Variants in LRP2 observed in about 807,000 individuals in gnomAD.
LRP2 encodes low-density lipoprotein receptor-related protein 2.
A neutral mutation model predicts 531.0 loss-of-function variants in LRP2; 172 were observed. The ratio of observed to expected loss-of-function variants is 0.32; its 90% confidence interval spans 0.29 to 0.37. The LOEUF (loss-of-function observed/expected upper bound fraction) is 0.37. LRP2 is among the 10% of genes least tolerant of loss of function. The probability of loss-of-function intolerance (pLI) is 1.00; values close to 1 mark genes in which losing one functional copy is unlikely to be tolerated. For missense variants in LRP2, 5,167 were observed against 5,868.3 expected (o/e 0.88, Z 3.90); for synonymous variants, 1,992 against 2,027.6 (o/e 0.98, Z 0.47).
At chr2:169,132,431 A>G (rs1259490430) in intron 77 of LRP2, 143 bp downstream of exon 77, 2 of 635,442 alleles carry the variant, frequency 3.1e-6, no homozygotes, top group East Asian at 2.8e-5. Flanking sequence ...GACTTTTTAA[A>G]AAATTATATT....
At chr2:169,188,759 C>A (rs888197769) in intron 48 of LRP2, among the ~76,000 whole-genome samples, 12 of 152,070 alleles carry the variant, frequency 7.9e-5, no homozygotes, top group Non-Finnish European at 1.6e-4. Context: ...TGCCCATACC[C>A]AAATGGAAAC....
chr2:169,168,022 T>TATATATATATATATATATATAC (rs1686849598), intron 61 of LRP2, among the ~76,000 whole-genome samples: 1 of 108,228 alleles, frequency 9.2e-6, no homozygotes, highest in Non-Finnish European at 2.0e-5. Context: ...GTTTAAAATA[T>TATATATATATATATATATATAC]ATATATATAT....
chr2:169,264,204 C>T lies in LRP2; in HGVS notation c.2321-4987G>A, dbSNP rs546534225. Among the ~76,000 whole-genome samples, 89 of 151,884 alleles carry T rather than the reference C, an allele frequency of 5.9e-4. 1 individual carries two copies. In the South Asian group the frequency reaches 0.018, roughly 31 times the overall value. On this transcript the variant is annotated intron_variant, in intron 16 of 78. Transcript: ENST00000649046. The stretch of plus-strand genomic sequence containing the variant: ...GCACATGTATACATATGTAACTAAC[C>T]TGCACATTGTACACATGTACCCTAA...
chr2:169,229,766 A>C (rs1689334504), intron 31 of LRP2, among the ~76,000 whole-genome samples: 1 of 152,170 alleles, frequency 6.6e-6, no homozygotes, highest in Non-Finnish European at 1.5e-5. Context: ...TTTTTAATGC[A>C]TGTTTTTACA....
At chr2:169,168,022 T>TATATATATATATAC (rs1686849499) in intron 61 of LRP2, among the ~76,000 whole-genome samples, 1 of 108,228 alleles carries the variant, frequency 9.2e-6, no homozygotes, top group South Asian at 3.1e-4. Flanking sequence ...GTTTAAAATA[T>TATATATATATATAC]ATATATATAT....
chr2:169,194,657 A>G (rs10490131), intron 46 of LRP2, among the ~76,000 whole-genome samples: 19,029 of 151,706 alleles, frequency 0.13, 1,571 homozygotes, highest in East Asian at 0.36. Flanking sequence ...ATATCATAAC[A>G]GTAACAAGAA....
chr2:169,275,658 G>T (rs3770607), intron 13 of LRP2, among the ~76,000 whole-genome samples: 5,524 of 152,170 alleles, frequency 0.036, 288 homozygotes, highest in Admixed American at 0.16. Flanking sequence ...ATTTCCCACT[G>T]CACCATTGAG....
At chr2:169,319,036 C>A in intron 2 of LRP2, 152 bp from the exon 3 acceptor site, 1 of 960,968 alleles carries the variant, frequency 1.0e-6, no homozygotes, top group South Asian at 1.4e-5. Context: ...AGTCTGTGGA[C>A]GCCAGTCAGA....
chr2:169,295,781 T>A (rs1684121362), intron 4 of LRP2, among the ~76,000 whole-genome samples: 1 of 152,040 alleles, frequency 6.6e-6, no homozygotes, highest in Admixed American at 6.6e-5. Context: ...TCATTCGGCT[T>A]TTTAAAATAT....
Position 169,279,438 on chromosome 2 carries a change from T to G in LRP2, c.1499A>C (p.Tyr500Ser). The change falls in exon 12 of 79, where the codon TAT becomes TCT. Residue 500 changes from tyrosine (Y) to serine (S), a missense_variant. Physicochemically the swap from Tyr to Ser is moderately radical, Grantham distance 144. Transcript: ENST00000649046. ...GTTTTCAGTTATAAGGGTAACCCGA[T>G]AGCTTCCATCCAAATTTACCATATC... ...RIDMVNLDGS[Y>S]RVTLITENLG... 2.5e-6 allele frequency: 4 copies of G among 1,614,108 alleles called. No individual in the cohort carries two copies. Among genetic ancestry groups the G allele is most frequent in the Non-Finnish European group, 3.4e-6 (4 of 1,180,006 alleles).
chr2:169,212,206 A>G lies in LRP2; in HGVS notation c.6042T>C (p.Asn2014=). The change falls in exon 37 of 79, where the codon AAT becomes AAC. Residue 2014 remains asparagine (N), a splice_region_variant and synonymous_variant. Transcript: ENST00000649046. Reference sequence around the variant, plus strand: ...TACAGCCATTTGAGGATTCGGCGGCATCTAAATGAAAACAAAATCCATTTG... The same window carrying G: ...TACAGCCATTTGAGGATTCGGCGGCGTCTAAATGAAAACAAAATCCATTTG... The part of the protein sequence containing the change: ...LRGLQVYHRR[N]AAESSNGCSN... 6.2e-7 allele frequency: 1 copy of G among 1,614,028 alleles called. No homozygotes were observed. The highest frequency in any genetic ancestry group is 8.5e-7 in the Non-Finnish European group (1 of 1,179,898).
intron 2 of LRP2, 71 bp from the exon 3 acceptor site, chr2:169,318,955 C>G: frequency 6.4e-7 from 1 of 1,569,718 alleles, no homozygotes; most frequent in South Asian, 1.1e-5. Flanking sequence ...AATGCTTGTT[C>G]CAGAAGAGTG....
At position 169,292,310 on chromosome 2, in the gene LRP2, T is replaced by G. The variant is rs761297015; in HGVS notation, c.712A>C (p.Asn238His). The G allele has an allele frequency of 3.7e-6, 6 of 1,614,158 alleles. No homozygotes were observed. Among genetic ancestry groups the G allele is most frequent in the Non-Finnish European group, 4.2e-6 (5 of 1,180,000 alleles). The change falls in exon 7 of 79, where the codon AAC (asparagine) becomes CAC (histidine). Residue 238 changes from asparagine to histidine, a missense_variant. Asn to His is a moderately conservative substitution (Grantham distance 68, BLOSUM62 1). Coordinates refer to ENST00000649046, the MANE Select transcript of LRP2 (RefSeq NM_004525.3). ...TCPSGRCIYQ[N>H]WVCDGEDDCK... Reference sequence around the variant, plus strand: ...TCATCTTCTCCATCACAAACCCAGTTTTGATAAATGCATCGGCCACTGGGG... The same window carrying G: ...TCATCTTCTCCATCACAAACCCAGTGTTGATAAATGCATCGGCCACTGGGG...
rs148733879 is a variant in LRP2, at chr2:169,317,943, G to A, written c.310+819C>T. 9.0e-3 allele frequency among the ~76,000 whole-genome samples: 1,363 copies of A among 152,152 alleles called. 14 individuals are homozygous for A. Among genetic ancestry groups the A allele is most frequent in the Non-Finnish European group, 0.015 (989 of 68,002 alleles). On this transcript the variant is annotated intron_variant, in intron 3 of 78. Coordinates refer to ENST00000649046, the MANE Select transcript of LRP2 (RefSeq NM_004525.3). ...AATTTAAAAATTAGCTGGGCATGGT[G>A]GTGCACACCTATAGTCCCAGCTACT...
At chr2:169,164,149 A>G (rs1686692342) in intron 62 of LRP2, among the ~76,000 whole-genome samples, 1 of 152,234 alleles carries the variant, frequency 6.6e-6, no homozygotes, top group African/African-American at 2.4e-5. Context: ...TACATTGGTG[A>G]TGGCCATGAG....
At chr2:169,188,312 C>T in intron 48 of LRP2, 47 bp from the exon 49 acceptor site, 2 of 1,588,026 alleles carry the variant, frequency 1.3e-6, no homozygotes, top group Non-Finnish European at 1.7e-6. Context: ...TGGCAATAAA[C>T]CTCAACTATT....
At chr2:169,339,978 C>T (rs1453669425) in intron 1 of LRP2, among the ~76,000 whole-genome samples, 1 of 152,086 alleles carries the variant, frequency 6.6e-6, no homozygotes, top group Admixed American at 6.6e-5. Context: ...ATATGGTATG[C>T]ATCTGTACTA....
Position 169,193,797 on chromosome 2 carries a change from C to T in LRP2, c.8794G>A (p.Gly2932Arg). ...CTTTTATCCTCGTCACTCATATCCCCACAGTCATTATCACCGTCACAGATC... is the reference window on the plus strand; with the variant it reads ...CTTTTATCCTCGTCACTCATATCCCTACAGTCATTATCACCGTCACAGATC... ...EWICDGDNDC[G>R]DMSDEDKRHQ... The change falls in exon 47 of 79, where the codon GGG becomes AGG. Residue 2932 changes from glycine (G) to arginine (R), a missense_variant. Physicochemically the swap from Gly to Arg is moderately radical, Grantham distance 125. Coordinates refer to ENST00000649046, the MANE Select transcript of LRP2 (RefSeq NM_004525.3). The T allele has an allele frequency of 6.2e-7, 1 of 1,614,194 alleles. No homozygotes were observed. Among genetic ancestry groups the T allele is most frequent in the East Asian group, 2.2e-5 (1 of 44,878 alleles).
chr2:169,323,456 A>G (rs1340886674), intron 1 of LRP2, among the ~76,000 whole-genome samples: 3 of 152,216 alleles, frequency 2.0e-5, no homozygotes, highest in African/African-American at 7.2e-5. Context: ...AAAATAAACC[A>G]CTAGTGAAAA....
Sources: gnomAD v4.1 joint callset for allele counts (sites outside exome capture counted in the v4.1 genomes callset) on GRCh38, gnomAD v4.1.1 for gene constraint, MANE v1.5 for transcripts, NCBI Gene and HGNC (gene_info 2026-07-23, HGNC 2026-07-21) for gene names.